Variants in KCND2 observed in about 807,000 individuals in gnomAD.
KCND2 encodes potassium voltage-gated channel subfamily D member 2, also known as A-type voltage-gated potassium channel KCND2.
A neutral mutation model predicts 54.4 loss-of-function variants in KCND2; 16 were observed. The ratio of observed to expected loss-of-function variants is 0.29; its 90% CI spans 0.20 to 0.45. The LOEUF is 0.45. Among genes scored for constraint, KCND2 ranks in the 20% least tolerant of loss-of-function variants. The probability of loss-of-function intolerance (pLI) is 1.00; values close to 1 mark genes in which losing one functional copy is unlikely to be tolerated. For synonymous variants in KCND2, 317 were observed against 310.7 expected, an observed-to-expected ratio of 1.02 and a Z score of -0.21; for missense variants, 486 against 824.2, an observed-to-expected ratio of 0.59 and a Z score of 5.02.
At chr7:120,519,863 T>C (rs1791666080) in intron 1 of KCND2, among the ~76,000 whole-genome samples, 1 of 152,146 alleles carries the variant, frequency 6.6e-6, no homozygotes, top group African/African-American at 2.4e-5. Context: ...TTAACATAGT[T>C]CCTAAAATTC....
intron 1 of KCND2, among the ~76,000 whole-genome samples, chr7:120,628,883 G>C (rs1315470139): frequency 6.6e-6 from 1 of 151,918 alleles, no homozygotes; most frequent in Non-Finnish European, 1.5e-5. Flanking sequence ...TTCTTACTTT[G>C]TGCCAGGCAC....
intron 1 of KCND2, among the ~76,000 whole-genome samples, chr7:120,634,647 T>G (rs1054599368): frequency 3.9e-5 from 6 of 152,176 alleles, no homozygotes; most frequent in African/African-American, 1.4e-4. Context: ...TTAAGCAACC[T>G]TTCATGTTTT....
chr7:120,629,901 G>C (rs1430276609), intron 1 of KCND2, among the ~76,000 whole-genome samples: 1 of 152,172 alleles, frequency 6.6e-6, no homozygotes, highest in Non-Finnish European at 1.5e-5. Context: ...TGAATATATA[G>C]AGTTTGAGGT....
intron 1 of KCND2, among the ~76,000 whole-genome samples, chr7:120,534,323 T>C (rs1250460970): frequency 4.6e-5 from 7 of 152,120 alleles, no homozygotes; most frequent in African/African-American, 1.7e-4. Context: ...ACTTACCTCC[T>C]TACCTACCTA....
chr7:120,746,417 A>G (rs1188288861), intron 5 of KCND2, among the ~76,000 whole-genome samples: 1 of 152,170 alleles, frequency 6.6e-6, no homozygotes, highest in Non-Finnish European at 1.5e-5. Context: ...ATGGCTAAAA[A>G]TTATTGAACA....
At chr7:120,616,744 T>C (rs1793030519) in intron 1 of KCND2, among the ~76,000 whole-genome samples, 1 of 152,202 alleles carries the variant, frequency 6.6e-6, no homozygotes, top group Non-Finnish European at 1.5e-5. Context: ...CATGCCTTTG[T>C]GAGTGTGCCT....
chr7:120,345,904 T>A (rs1253389846), intron 1 of KCND2, among the ~76,000 whole-genome samples: 5 of 152,170 alleles, frequency 3.3e-5, no homozygotes, highest in African/African-American at 1.2e-4. Context: ...TATTTTTAAT[T>A]TTTTTGAGGA....
chr7:120,735,893 T>A (rs1792863671), intron 2 of KCND2, among the ~76,000 whole-genome samples: 1 of 152,012 alleles, frequency 6.6e-6, no homozygotes, highest in African/African-American at 2.4e-5. Context: ...CTAAATAAGT[T>A]ACCAGGGGAT....
chr7:120,578,836 G>A (rs1792473628), intron 1 of KCND2, among the ~76,000 whole-genome samples: 1 of 151,964 alleles, frequency 6.6e-6, no homozygotes, highest in African/African-American at 2.4e-5. Context: ...TTGCACTCCA[G>A]CCTGAGCGAC....
intron 1 of KCND2, among the ~76,000 whole-genome samples, chr7:120,302,843 C>T (rs1030804348): frequency 4.6e-5 from 7 of 152,136 alleles, no homozygotes; most frequent in South Asian, 2.1e-4. Context: ...GAATGAATCA[C>T]TAATTCAGTG....
chr7:120,622,687 ACACTCTCTCT>A (rs370939534), intron 1 of KCND2, among the ~76,000 whole-genome samples: 9,287 of 142,702 alleles, frequency 0.065, 598 homozygotes, highest in East Asian at 0.37. Flanking sequence ...ACACACACAC[ACACTCTCTCT>A]CTCTCTCTCT....
upstream of KCND2, among the ~76,000 whole-genome samples, chr7:120,273,149 C>G (rs1799102536): frequency 6.6e-6 from 1 of 152,144 alleles, no homozygotes; most frequent in African/African-American, 2.4e-5. Context: ...AAGGTCAAGC[C>G]GAGGGAAAGG....
chr7:120,315,737 C>T (rs572763583), intron 1 of KCND2, among the ~76,000 whole-genome samples: 10 of 149,064 alleles, frequency 6.7e-5, no homozygotes, highest in South Asian at 2.1e-4. Flanking sequence ...CAGTGAGACA[C>T]GAAATGTTTT....
chr7:120,420,701 AGG>A (rs1405871192), intron 1 of KCND2, among the ~76,000 whole-genome samples: 1 of 152,164 alleles, frequency 6.6e-6, no homozygotes, highest in African/African-American at 2.4e-5. Context: ...ATGAGTACGG[AGG>A]CTGGATAAAT....
At chr7:120,357,062 T>C (rs62470545) in intron 1 of KCND2, among the ~76,000 whole-genome samples, 16,207 of 152,164 alleles carry the variant, frequency 0.11, 893 homozygotes, top group Admixed American at 0.13. Flanking sequence ...ATGAGCTCCT[T>C]CAGATCTCTT....
At chr7:120,494,325 T>C (rs1220778066) in intron 1 of KCND2, among the ~76,000 whole-genome samples, 5 of 152,132 alleles carry the variant, frequency 3.3e-5, no homozygotes, top group African/African-American at 1.2e-4. Context: ...TGTTTATTTC[T>C]ATATATTGTG....
intron 1 of KCND2, among the ~76,000 whole-genome samples, chr7:120,460,346 C>A (rs565534147): frequency 6.6e-6 from 1 of 152,262 alleles, no homozygotes; most frequent in Admixed American, 6.5e-5. Context: ...AGGAAATGTG[C>A]CTAAGGTCAT....
intron 1 of KCND2, among the ~76,000 whole-genome samples, chr7:120,396,663 A>ATG (rs143980070): frequency 2.6e-4 from 40 of 151,138 alleles, no homozygotes; most frequent in Admixed American, 3.3e-4. Context: ...CTAGGTTTAA[A>ATG]TGTGTGTGTG....
intron 1 of KCND2, among the ~76,000 whole-genome samples, chr7:120,529,155 A>C (rs1402962024): frequency 6.6e-6 from 1 of 152,190 alleles, no homozygotes; most frequent in African/African-American, 2.4e-5. Context: ...AAGTAAGCCG[A>C]GGGCATGCTT....
Sources: allele counts gnomAD v4.1 joint callset (sites outside exome capture counted in the v4.1 genomes callset), GRCh38; gene constraint gnomAD v4.1.1; transcripts MANE v1.5; gene names NCBI Gene and HGNC (gene_info 2026-07-23, HGNC 2026-07-21).